The following PICALM variants were observed in gnomAD, a reference collection of about 807,000 sequenced individuals.
PICALM encodes phosphatidylinositol-binding clathrin assembly protein.
Under a neutral mutation model 80.5 loss-of-function variants are expected in PICALM, and 40 were observed. The observed-to-expected ratio is 0.50, with a 90% CI of 0.39 to 0.65. The LOEUF is 0.65. PICALM is among the 30% of genes least tolerant of loss of function. PICALM has a pLI of 0.00. For missense variants in PICALM, 676 were observed against 778.9 expected, an observed-to-expected ratio of 0.87 and a Z score of 1.57; for synonymous variants, 288 against 260.3, an observed-to-expected ratio of 1.11 and a Z score of -1.02.
chr11:86,055,835 C>T (rs983295069), intron 1 of PICALM, among the ~76,000 whole-genome samples: 1 of 151,886 alleles, frequency 6.6e-6, no homozygotes, highest in Non-Finnish European at 1.5e-5. Flanking sequence ...AAAGCACAAT[C>T]GAAAAAATCA....
chr11:86,027,768 G>A (rs1340877232), intron 2 of PICALM, among the ~76,000 whole-genome samples: 2 of 151,950 alleles, frequency 1.3e-5, no homozygotes, highest in East Asian at 1.9e-4. Flanking sequence ...CAATCCTCCC[G>A]CCTTGGCCCC....
intron 1 of PICALM, among the ~76,000 whole-genome samples, chr11:86,044,309 G>A (rs1222040965): frequency 6.6e-6 from 1 of 152,126 alleles, no homozygotes; most frequent in Non-Finnish European, 1.5e-5. Flanking sequence ...TGGCCTGGAG[G>A]CCTATGGAAC....
At chr11:85,980,750 G>A (rs941926054) in intron 17 of PICALM, among the ~76,000 whole-genome samples, 1 of 152,134 alleles carries the variant, frequency 6.6e-6, no homozygotes, top group African/African-American at 2.4e-5. Flanking sequence ...GGCTGCCTAG[G>A]TTATAAAAAT....
intron 1 of PICALM, among the ~76,000 whole-genome samples, chr11:86,042,786 C>G (rs1322897465): frequency 2.6e-5 from 4 of 151,836 alleles, no homozygotes; most frequent in African/African-American, 9.7e-5. Context: ...TGAACCCAAG[C>G]AGGGTCCAGA....
intron 12 of PICALM, among the ~76,000 whole-genome samples, chr11:85,996,084 GA>G (rs2094950630): frequency 1.1e-4 from 16 of 151,944 alleles, no homozygotes; most frequent in African/African-American, 3.9e-4. Context: ...TGCCTTCACA[GA>G]GCTTACTTTC....
At position 86,011,146 on chromosome 11, in the gene PICALM, T is replaced by C; in HGVS notation, c.659-10A>G. On this transcript the variant is annotated splice_polypyrimidine_tract_variant and intron_variant, in intron 6 of 19. Transcript: ENST00000393346. ...ATATCAAAATATTTTTCTGACAAAA[T>C]AAATGTAAAAATTCTTTTGTTCACA... The C allele has an allele frequency of 1.7e-6, 2 of 1,176,970 alleles. No homozygotes were observed. The highest frequency in any genetic ancestry group is 1.3e-5 in the South Asian group (1 of 74,886). 72.9% of individuals were successfully genotyped at this position (1,176,970 alleles called of 1,614,324 possible).
rs1301603082 is a variant in PICALM, at chr11:85,957,953, T to C, written c.*1093A>G. 1 of 224,100 alleles carries C rather than the reference T, an allele frequency of 4.5e-6. No individual in the cohort carries two copies. The allele number at this position is 224,100 out of a possible 1,614,324, so 13.9% of individuals were successfully genotyped here. On this transcript the variant is annotated 3_prime_UTR_variant, in exon 20 of 20. Coordinates refer to ENST00000393346, the MANE Select transcript of PICALM (RefSeq NM_007166.4). ...AGACATTAACTTTAAAGATACTATT[T>C]CCCCTTATTTAAAAGGTATATGATC...
intron 4 of PICALM, among the ~76,000 whole-genome samples, chr11:86,015,634 C>T (rs1238267245): frequency 1.3e-5 from 2 of 152,088 alleles, no homozygotes; most frequent in South Asian, 2.1e-4. Context: ...AGCACCAAAA[C>T]AGATTTAAAA....
chr11:85,961,203 C>T (rs1013401195), intron 19 of PICALM, among the ~76,000 whole-genome samples: 10 of 152,144 alleles, frequency 6.6e-5, no homozygotes, highest in Non-Finnish European at 8.8e-5. Flanking sequence ...GACCTCAGTC[C>T]GGACCCAACA....
chr11:85,970,853 T>C (rs1257264787), intron 19 of PICALM, among the ~76,000 whole-genome samples: 3 of 152,244 alleles, frequency 2.0e-5, no homozygotes, highest in East Asian at 3.9e-4. Context: ...TGGAGATGGG[T>C]ATTACAAATA....
At chr11:86,006,691 C>T (rs2095284196) in intron 8 of PICALM, among the ~76,000 whole-genome samples, 1 of 152,062 alleles carries the variant, frequency 6.6e-6, no homozygotes, top group Admixed American at 6.6e-5. Flanking sequence ...TAATTCAAAA[C>T]AAGGTAAAAC....
intron 5 of PICALM, among the ~76,000 whole-genome samples, chr11:86,014,122 T>C (rs1405043328): frequency 6.6e-6 from 1 of 152,168 alleles, no homozygotes; most frequent in Non-Finnish European, 1.5e-5. Context: ...TAATAGGCAA[T>C]GGGGGTACAA....
intron 7 of PICALM, among the ~76,000 whole-genome samples, chr11:86,009,555 G>A (rs767906266): frequency 2.0e-5 from 3 of 152,108 alleles, no homozygotes; most frequent in Non-Finnish European, 4.4e-5. Context: ...AGCCGGGTGT[G>A]GTGGCAGGCA....
intron 19 of PICALM, among the ~76,000 whole-genome samples, chr11:85,970,292 T>C (rs1417632819): frequency 6.6e-6 from 1 of 152,178 alleles, no homozygotes; most frequent in African/African-American, 2.4e-5. Context: ...ACCAGATGAC[T>C]GAAGACTGGA....
chr11:86,050,837 C>G (rs1426740271), intron 1 of PICALM, among the ~76,000 whole-genome samples: 1 of 151,972 alleles, frequency 6.6e-6, no homozygotes, highest in Non-Finnish European at 1.5e-5. Context: ...AAGATACACA[C>G]TGGAAAAAAA....
intron 14 of PICALM, 28 bp from the exon 15 acceptor site, chr11:85,982,031 A>C (rs1328116007): frequency 1.2e-6 from 2 of 1,606,450 alleles, no homozygotes; most frequent in East Asian, 2.2e-5. Flanking sequence ...ACGAAATAGA[A>C]TTTGTAAGGA....
chr11:86,007,675 A>G (rs1320717172), intron 7 of PICALM, 92 bp from the exon 8 acceptor site: 1 of 416,776 alleles, frequency 2.4e-6, no homozygotes, highest in African/African-American at 2.1e-5. Flanking sequence ...TACCAGTAAT[A>G]TTTTAAACAG....
intron 19 of PICALM, 95 bp downstream of exon 19, chr11:85,974,613 A>G: frequency 1.2e-6 from 1 of 808,520 alleles, no homozygotes; most frequent in Non-Finnish European, 2.2e-6. Flanking sequence ...AGAAAGTGCT[A>G]GTAACTTGTT....
In PICALM at chr11:85,972,643, A is replaced by G. The variant is rs140191517; in HGVS notation, c.1944+2065T>C. On this transcript the variant is annotated intron_variant, in intron 19 of 19. Transcript: ENST00000393346. ...GAAGGGTTTAACTACATATCAGGAA[A>G]AACACTTCTGTAGTCGAAGGTCCCT... is the stretch of plus-strand genomic sequence containing the variant. Among the ~76,000 whole-genome samples, 16 of 152,312 alleles carry G rather than the reference A, an allele frequency of 1.1e-4. No homozygotes were observed. In the East Asian group the frequency reaches 2.5e-3, roughly 24 times the overall value.
Sources: allele counts gnomAD v4.1 joint callset (sites outside exome capture counted in the v4.1 genomes callset), GRCh38; gene constraint gnomAD v4.1.1; transcripts MANE v1.5; gene names NCBI Gene and HGNC (gene_info 2026-07-23, HGNC 2026-07-21).